The following CPQ variants were observed in gnomAD, a reference collection of about 807,000 sequenced individuals.
CPQ encodes carboxypeptidase Q.
CPQ carries 37 observed loss-of-function variants against 45.7 expected under a neutral mutation model. The observed-to-expected ratio is 0.81, with a 90% CI of 0.62 to 1.07. CPQ has a LOEUF of 1.07. Among genes scored for constraint, CPQ ranks in the 50% least tolerant of loss-of-function variants. The probability of loss-of-function intolerance (pLI) is 0.00; values close to 1 mark genes in which losing one functional copy is unlikely to be tolerated. For synonymous variants in CPQ, 186 were observed against 205.8 expected, an observed-to-expected ratio of 0.90 and a Z score of 0.82; for missense variants, 537 against 572.9, an observed-to-expected ratio of 0.94 and a Z score of 0.64.
chr8:96,941,703 A>G (rs1417306769), intron 4 of CPQ, among the ~76,000 whole-genome samples: 1 of 152,144 alleles, frequency 6.6e-6, no homozygotes, highest in Non-Finnish European at 1.5e-5. Context: ...CCATCCTGCC[A>G]GAGGTGATGT....
intron 4 of CPQ, among the ~76,000 whole-genome samples, chr8:96,916,345 C>T (rs761762616): frequency 9.9e-5 from 15 of 152,048 alleles, no homozygotes; most frequent in Non-Finnish European, 1.9e-4. Context: ...TCAATGGGAT[C>T]ATAGATATGA....
At chr8:96,963,071 T>G in intron 4 of CPQ, among the ~76,000 whole-genome samples, 1 of 152,202 alleles carries the variant, frequency 6.6e-6, no homozygotes, top group East Asian at 1.9e-4. Flanking sequence ...TAACAGTAAG[T>G]AGATTACAGA....
chr8:96,850,487 T>C (rs1365354351), intron 3 of CPQ, among the ~76,000 whole-genome samples: 5 of 152,218 alleles, frequency 3.3e-5, no homozygotes, highest in South Asian at 2.1e-4. Flanking sequence ...ATACTGCTCA[T>C]TGCAATCCTT....
At chr8:97,081,788 T>C (rs1001278833) in intron 7 of CPQ, among the ~76,000 whole-genome samples, 1 of 152,152 alleles carries the variant, frequency 6.6e-6, no homozygotes, top group Non-Finnish European at 1.5e-5. Flanking sequence ...ATTAGGTGTA[T>C]GGATTAAGGA....
At chr8:96,684,486 A>G (rs1809198435) in intron 1 of CPQ, among the ~76,000 whole-genome samples, 1 of 152,090 alleles carries the variant, frequency 6.6e-6, no homozygotes, top group African/African-American at 2.4e-5. Context: ...TGTGGCAGGT[A>G]CGGTTAGGAC....
At chr8:96,780,071 C>T (rs1414072915) in intron 1 of CPQ, among the ~76,000 whole-genome samples, 1 of 152,110 alleles carries the variant, frequency 6.6e-6, no homozygotes, top group Non-Finnish European at 1.5e-5. Flanking sequence ...AGATTAAATG[C>T]TCATTTATTT....
chr8:97,071,210 C>T (rs1313478499), intron 7 of CPQ, among the ~76,000 whole-genome samples: 1 of 152,106 alleles, frequency 6.6e-6, no homozygotes, highest in African/African-American at 2.4e-5. Context: ...ACTATGTAGG[C>T]AAACAGTGTA....
chr8:97,068,741 C>A (rs1283088614), intron 7 of CPQ, among the ~76,000 whole-genome samples: 1 of 152,190 alleles, frequency 6.6e-6, no homozygotes, highest in Non-Finnish European at 1.5e-5. Flanking sequence ...ATCCATACAA[C>A]CATCCTATGA....
At chr8:96,773,231 G>A (rs958006807) in intron 1 of CPQ, among the ~76,000 whole-genome samples, 1 of 150,916 alleles carries the variant, frequency 6.6e-6, no homozygotes, top group African/African-American at 2.5e-5. Flanking sequence ...AATATTAATA[G>A]ATATTGTGCT....
chr8:97,055,438 C>T (rs960362606), intron 6 of CPQ: 5 of 152,186 alleles, frequency 3.3e-5, no homozygotes, highest in East Asian at 3.9e-4. Flanking sequence ...CAACTTGAGG[C>T]TTCTTTAGTC....
At chr8:96,820,939 G>T (rs111295875) in intron 2 of CPQ, among the ~76,000 whole-genome samples, 3 of 151,830 alleles carry the variant, frequency 2.0e-5, no homozygotes, top group Non-Finnish European at 4.4e-5. Context: ...GTGTATGAAG[G>T]TTCCCCTTTC....
chr8:96,669,072 T>C (rs1193912569), intron 1 of CPQ, among the ~76,000 whole-genome samples: 5 of 152,224 alleles, frequency 3.3e-5, no homozygotes, highest in Non-Finnish European at 7.3e-5. Flanking sequence ...ATGAGGTATC[T>C]GAATATCCCT....
intron 4 of CPQ, among the ~76,000 whole-genome samples, chr8:96,934,728 T>G (rs576503786): frequency 6.6e-6 from 1 of 152,208 alleles, no homozygotes; most frequent in African/African-American, 2.4e-5. Context: ...AGCAGCTCCT[T>G]TTTGATTCTT....
At chr8:96,899,616 G>C (rs1468024616) in intron 4 of CPQ, among the ~76,000 whole-genome samples, 1 of 151,938 alleles carries the variant, frequency 6.6e-6, no homozygotes, top group African/African-American at 2.4e-5. Context: ...AGAGTGGGAG[G>C]AGAGGTGCCA....
intron 3 of CPQ, among the ~76,000 whole-genome samples, chr8:96,873,430 A>G (rs1376422598): frequency 6.6e-6 from 1 of 151,656 alleles, no homozygotes; most frequent in African/African-American, 2.4e-5. Context: ...TAAAAGTCTG[A>G]GATGGATTTT....
chr8:96,650,577 C>A (rs1303451968), intron 1 of CPQ, among the ~76,000 whole-genome samples: 3 of 152,200 alleles, frequency 2.0e-5, no homozygotes, highest in African/African-American at 7.2e-5. Context: ...AGCCTTCTGA[C>A]TTTGGGTCCA....
chr8:97,063,226 G>A (rs1810581691), intron 6 of CPQ, among the ~76,000 whole-genome samples: 2 of 152,048 alleles, frequency 1.3e-5, no homozygotes, highest in Non-Finnish European at 2.9e-5. Flanking sequence ...TTCTCTAATG[G>A]TCAGTAATAT....
chr8:96,908,012 G>T (rs1812600892), intron 4 of CPQ, among the ~76,000 whole-genome samples: 1 of 151,922 alleles, frequency 6.6e-6, no homozygotes, highest in Admixed American at 6.6e-5. Context: ...TGAGTTCACA[G>T]GTTTTTAACA....
chr8:97,040,363 A>T (rs1810096562), intron 6 of CPQ, among the ~76,000 whole-genome samples: 1 of 151,408 alleles, frequency 6.6e-6, no homozygotes, highest in African/African-American at 2.4e-5. Flanking sequence ...GTTGGAGTTC[A>T]TTGTAGATTC....
Sources: gnomAD v4.1 joint callset for allele counts (sites outside exome capture counted in the v4.1 genomes callset) on GRCh38, gnomAD v4.1.1 for gene constraint, MANE v1.5 for transcripts, NCBI Gene and HGNC (gene_info 2026-07-23, HGNC 2026-07-21) for gene names.